HIVEP3: variants seen among roughly 807,000 people sequenced by gnomAD.
The protein encoded by HIVEP3 is HIVEP zinc finger 3.
A neutral mutation model predicts 152.8 loss-of-function variants in HIVEP3; 49 were observed. The ratio of observed to expected loss-of-function variants is 0.32; its 90% CI spans 0.26 to 0.41. The LOEUF (loss-of-function observed/expected upper bound fraction) is 0.41, where lower values mean the gene tolerates loss of function less well. Among genes scored for constraint, HIVEP3 ranks in the 10% least tolerant of loss-of-function variants. The pLI, the probability that HIVEP3 is intolerant of heterozygous loss-of-function variation, is 1.00. For missense variants in HIVEP3, 2,790 were observed against 3,103.3 expected (o/e 0.90, Z 2.40); for synonymous variants, 1,269 against 1,289.0 (o/e 0.98, Z 0.33).
At chr1:41,857,983 A>ATCTCTCTCTCTCTCTCTCTCTC (rs56967197) in intron 1 of HIVEP3, among the ~76,000 whole-genome samples, 7 of 148,482 alleles carry the variant, frequency 4.7e-5, no homozygotes, top group African/African-American at 1.5e-4. Flanking sequence ...CAATCAATCA[A>ATCTCTCTCTCTCTCTCTCTCTC]TCTCTCTCTC....
chr1:41,551,484 T>C lies in HIVEP3; in HGVS notation c.5207+24060A>G, dbSNP rs184908065. ...GCTCCTCTTTGTACCTCTGGTAGAA[T>C]TGGGCTGTGAATCCATCTGGTCCTG... On this transcript the variant is annotated intron_variant, in intron 5 of 8. Coordinates refer to ENST00000372583, the MANE Select transcript of HIVEP3 (RefSeq NM_024503.5). 6.6e-5 allele frequency among the ~76,000 whole-genome samples: 10 copies of C among 152,294 alleles called. No individual in the cohort carries two copies. The East Asian group carries it at 1.3e-3, about 21-fold the overall frequency.
At position 41,788,962 on chromosome 1, in the gene HIVEP3, C is replaced by T. The variant is rs189388733; in HGVS notation, c.-800-87967G>A. Among the ~76,000 whole-genome samples, 275 of 152,330 alleles carry T rather than the reference C, an allele frequency of 1.8e-3. 2 individuals are homozygous for T. Among genetic ancestry groups the T allele is most frequent in the Non-Finnish European group, 3.3e-3 (223 of 68,026 alleles). ...TGTGGTTCTTCCCAGCTCCATGGAA[C>T]GTGAGAGCGAAAGCCTGCAGCCATC... On this transcript the variant is annotated intron_variant, in intron 1 of 8. Coordinates refer to ENST00000372583, the MANE Select transcript of HIVEP3 (RefSeq NM_024503.5).
intron 5 of HIVEP3, among the ~76,000 whole-genome samples, chr1:41,545,719 CCAATACCACTACCAT>C (rs1643780742): frequency 1.2e-5 from 1 of 81,632 alleles, no homozygotes; most frequent in African/African-American, 3.9e-5. Context: ...ACCACCACCA[CCAATACCACTACCAT>C]CACCACCATC....
At chr1:41,697,942 C>A (rs1004810315) in intron 2 of HIVEP3, among the ~76,000 whole-genome samples, 1 of 152,186 alleles carries the variant, frequency 6.6e-6, no homozygotes, top group Non-Finnish European at 1.5e-5. Context: ...ACTGTCTAGG[C>A]TCACCCTGGC....
At position 41,885,275 on chromosome 1, in the gene HIVEP3, C is replaced by T. The variant is rs75758129; in HGVS notation, c.-801+33138G>A. 1.0e-3 allele frequency among the ~76,000 whole-genome samples: 159 copies of T among 152,294 alleles called. 3 individuals are homozygous for T. In the East Asian group the frequency reaches 0.026, roughly 24 times the overall value. On this transcript the variant is annotated intron_variant, in intron 1 of 8. Coordinates refer to ENST00000372583, the MANE Select transcript of HIVEP3 (RefSeq NM_024503.5). ...AGCTTTCCGTTTCCTGCTCTCCAGC[C>T]CCATTTCTTATTTGGGTTAGGGATC...
intron 5 of HIVEP3, among the ~76,000 whole-genome samples, chr1:41,565,891 T>C (rs887887701): frequency 6.6e-6 from 1 of 152,220 alleles, no homozygotes; most frequent in Non-Finnish European, 1.5e-5. Flanking sequence ...AGGCTCTGGG[T>C]CCAGCATACT....
chr1:41,513,279 A>G lies in HIVEP3; in HGVS notation c.5942T>C (p.Leu1981Pro). Reference sequence around the variant, plus strand: ...TTTGGTTAGCGAGTGTTTGCGGGCTAGTGGTGGACGGCTGCCTGCTTCTTT... The same window carrying G: ...TTTGGTTAGCGAGTGTTTGCGGGCTGGTGGTGGACGGCTGCCTGCTTCTTT... ...PSKEAGSRPP[L>P]ARKHSLTKND... is the part of the protein sequence containing the mutation. Residue 1981 changes from leucine (L) to proline (P), a missense_variant, in exon 8 of 9, where the codon CTA (leucine) becomes CCA (proline). By Grantham distance (98) the Leu-to-Pro change is moderately conservative. This residue lies in a region of HIVEP3 where 816 missense variants were observed against 806.5 expected (regional missense o/e 1.01). Transcript: ENST00000372583. The G allele has an allele frequency of 1.2e-6, 2 of 1,605,782 alleles. No individual in the cohort carries two copies. Among genetic ancestry groups the G allele is most frequent in the Non-Finnish European group, 1.7e-6 (2 of 1,176,432 alleles).
At chr1:41,724,757 G>T (rs1450252679) in intron 1 of HIVEP3, among the ~76,000 whole-genome samples, 1 of 152,208 alleles carries the variant, frequency 6.6e-6, no homozygotes, top group Non-Finnish European at 1.5e-5. Context: ...CTGCACTAAG[G>T]GCACCTGCCA....
intron 2 of HIVEP3, among the ~76,000 whole-genome samples, chr1:41,633,745 C>G (rs1002489479): frequency 6.6e-6 from 1 of 152,140 alleles, no homozygotes; most frequent in African/African-American, 2.4e-5. Flanking sequence ...ACAACCCTAA[C>G]CAAGCCCCCA....
chr1:41,996,474 C>T (rs929666017), intron 1 of HIVEP3, among the ~76,000 whole-genome samples: 2 of 151,662 alleles, frequency 1.3e-5, no homozygotes, highest in Non-Finnish European at 2.9e-5. Flanking sequence ...ATAGAGATAA[C>T]TGATATATCT....
At chr1:41,779,912 G>A (rs1045090497) in intron 1 of HIVEP3, among the ~76,000 whole-genome samples, 4 of 152,212 alleles carry the variant, frequency 2.6e-5, no homozygotes, top group Admixed American at 6.5e-5. Context: ...CCCCAGCTGT[G>A]TGTTCTTGGG....
chr1:41,897,005 A>G (rs149336115), intron 1 of HIVEP3, among the ~76,000 whole-genome samples: 396 of 152,308 alleles, frequency 2.6e-3, no homozygotes, highest in Non-Finnish European at 3.9e-3. Context: ...AAAGAAAAAA[A>G]TGATTCAATG....
intron 1 of HIVEP3, among the ~76,000 whole-genome samples, chr1:41,783,761 C>T (rs1268974677): frequency 3.3e-5 from 5 of 152,150 alleles, no homozygotes; most frequent in Admixed American, 3.3e-4. Flanking sequence ...TCACCCAGGG[C>T]CCCTCGAGGG....
chr1:41,699,244 T>C (rs1646324243), intron 2 of HIVEP3, among the ~76,000 whole-genome samples: 1 of 152,196 alleles, frequency 6.6e-6, no homozygotes, highest in South Asian at 2.1e-4. Context: ...GGGTGTTCTA[T>C]ACAGAGAGGC....
chr1:41,754,495 T>A (rs1174608103), intron 1 of HIVEP3, among the ~76,000 whole-genome samples: 1 of 152,090 alleles, frequency 6.6e-6, no homozygotes, highest in Non-Finnish European at 1.5e-5. Flanking sequence ...TGAAAATACG[T>A]TTGGGCTTTT....
intron 3 of HIVEP3, 39 bp downstream of exon 3, chr1:41,628,710 G>C: frequency 8.2e-7 from 1 of 1,215,554 alleles, no homozygotes; most frequent in Admixed American, 4.2e-5. Flanking sequence ...CCAACATGGC[G>C]CCTGGCAAGC....
At position 41,506,437 on chromosome 1, in the gene HIVEP3, C is replaced by T. The variant is rs1369858166; in HGVS notation, c.*4014G>A. 1 of 152,104 alleles carries T rather than the reference C, an allele frequency of 6.6e-6. No homozygotes were observed. Among genetic ancestry groups the T allele is most frequent in the Non-Finnish European group, 1.5e-5 (1 of 68,026 alleles). The allele number at this position is 152,104 out of a possible 1,614,324, so 9.4% of individuals were successfully genotyped here. A position where few individuals can be genotyped will look rare whatever the true frequency, so the allele number is the denominator to read the frequency against. On this transcript the variant is annotated 3_prime_UTR_variant, in exon 9 of 9. Transcript: ENST00000372583. Reference sequence around the variant, plus strand: ...TTAAAAAATATCCTCAGGCTGAACACTCAGCCAGAGCTGTAATAAAGGCAA... The same window carrying T: ...TTAAAAAATATCCTCAGGCTGAACATTCAGCCAGAGCTGTAATAAAGGCAA...
In HIVEP3 at chr1:41,518,593, G is replaced by T. The variant is rs1642674713; in HGVS notation, c.5384-105C>A. The T allele has an allele frequency of 2.9e-6, 3 of 1,034,318 alleles. No individual in the cohort carries two copies. The East Asian group carries it at 7.3e-5, about 25-fold the overall frequency. The allele number at this position is 1,034,318 out of a possible 1,614,324, so 64.1% of individuals were successfully genotyped here. ...TGGCCGGCAGGCCATGGTTTCTCAG[G>T]CCAGTCAAGGCCCTGCCAGCTGCAG... On this transcript the variant is annotated intron_variant, in intron 6 of 8. Transcript: ENST00000372583.
At chr1:41,655,609 A>G (rs1402375193) in intron 2 of HIVEP3, among the ~76,000 whole-genome samples, 3 of 140,690 alleles carry the variant, frequency 2.1e-5, no homozygotes, top group Non-Finnish European at 4.7e-5. Flanking sequence ...AAAAAAAAAG[A>G]GAGGGAGAGA....
Sources: gnomAD v4.1 joint callset for allele counts (sites outside exome capture counted in the v4.1 genomes callset) on GRCh38, gnomAD v4.1.1 for gene constraint, gnomAD v4.1.1 regional missense constraint, MANE v1.5 for transcripts, NCBI Gene and HGNC (gene_info 2026-07-23, HGNC 2026-07-21) for gene names.